Variants in DNM3 observed in about 807,000 individuals in gnomAD.
The protein encoded by DNM3 is dynamin-3.
In DNM3, 47 loss-of-function variants were observed where a neutral mutation model predicts 101.6. That is an observed-to-expected ratio of 0.46 (90% CI 0.37 to 0.59). The LOEUF is 0.59. DNM3 is among the 20% of genes least tolerant of loss of function. The pLI, the probability that DNM3 is intolerant of heterozygous loss-of-function variation, is 0.00. For synonymous variants in DNM3, 385 were observed against 387.9 expected (o/e 0.99, Z 0.09); for missense variants, 849 against 1,085.7 (o/e 0.78, Z 3.06).
At chr1:171,885,318 T>C (rs1055564634) in intron 1 of DNM3, among the ~76,000 whole-genome samples, 2 of 152,154 alleles carry the variant, frequency 1.3e-5, no homozygotes, top group African/African-American at 4.8e-5. Context: ...AAAAGTAAAA[T>C]TTTTTACCTC....
At chr1:172,338,752 C>A (rs2066557071) in intron 17 of DNM3, 1 of 457,486 alleles carries the variant, frequency 2.2e-6, no homozygotes, top group Non-Finnish European at 4.4e-6. Flanking sequence ...AAGTCATTAC[C>A]ATATCTCTTT....
chr1:171,973,991 T>G (rs898001138), intron 2 of DNM3, among the ~76,000 whole-genome samples: 1 of 145,868 alleles, frequency 6.9e-6, no homozygotes, highest in Non-Finnish European at 1.5e-5. Context: ...AGTGTTTTTG[T>G]TTTTTTTTTA....
At chr1:172,176,098 G>A (rs568846275) in intron 14 of DNM3, among the ~76,000 whole-genome samples, 1 of 151,948 alleles carries the variant, frequency 6.6e-6, no homozygotes, top group East Asian at 1.9e-4. Flanking sequence ...TTGTGAATAA[G>A]TTAAGGATTT....
chr1:171,872,085 A>C (rs1050667007), intron 1 of DNM3, among the ~76,000 whole-genome samples: 1 of 151,982 alleles, frequency 6.6e-6, no homozygotes, highest in African/African-American at 2.4e-5. Context: ...TGTAGGGAGA[A>C]TTTGAGAGAT....
intron 1 of DNM3, among the ~76,000 whole-genome samples, chr1:171,875,061 A>T (rs1331346110): frequency 6.6e-6 from 1 of 151,870 alleles, no homozygotes; most frequent in African/African-American, 2.4e-5. Context: ...TCTTTATCCA[A>T]TTTACTGTTG....
chr1:171,899,280 C>T (rs1668800273), intron 1 of DNM3, among the ~76,000 whole-genome samples: 1 of 152,210 alleles, frequency 6.6e-6, no homozygotes, highest in Non-Finnish European at 1.5e-5. Flanking sequence ...TGAGATGCTG[C>T]TGCGTTTCAG....
intron 17 of DNM3, among the ~76,000 whole-genome samples, chr1:172,342,168 A>T (rs1490204114): frequency 6.6e-6 from 1 of 152,200 alleles, no homozygotes; most frequent in African/African-American, 2.4e-5. Context: ...TGGGAATGTA[A>T]ATTAGTTCAA....
chr1:172,177,883 G>A (rs1478814675), intron 14 of DNM3, among the ~76,000 whole-genome samples: 2 of 151,674 alleles, frequency 1.3e-5, no homozygotes, highest in Non-Finnish European at 2.9e-5. Context: ...ATTTTATAGG[G>A]TTTTTTTCCC....
chr1:172,324,235 G>A (rs926884501), intron 17 of DNM3, among the ~76,000 whole-genome samples: 2 of 152,126 alleles, frequency 1.3e-5, no homozygotes, highest in Admixed American at 6.6e-5. Context: ...CTTAAAACGG[G>A]CCTCATTGAA....
intron 1 of DNM3, among the ~76,000 whole-genome samples, chr1:171,877,249 C>T (rs956332296): frequency 7.9e-5 from 12 of 152,050 alleles, no homozygotes; most frequent in Non-Finnish European, 2.9e-5. Context: ...ATGTAAAACA[C>T]CTGTTGGTAA....
chr1:171,992,199 CT>C lies in DNM3; in HGVS notation c.589+3052del, dbSNP rs1002783611. Among the ~76,000 whole-genome samples the C allele has an allele frequency of 3.3e-5, 5 of 152,132 alleles. No individual in the cohort carries two copies. The East Asian group carries it at 7.7e-4, about 23-fold the overall frequency. ...AACATATTCATGCTATATTTTACCC[CT>C]GTTGTGCACATAGGGAATATTAATG... On this transcript the variant is annotated intron_variant, in intron 4 of 20. Coordinates refer to ENST00000627582, the MANE Select transcript of DNM3 (RefSeq NM_015569.5).
At chr1:172,407,574 T>A (rs2070986615) in intron 20 of DNM3, among the ~76,000 whole-genome samples, 198 bp from the exon 21 acceptor site, 1 of 152,052 alleles carries the variant, frequency 6.6e-6, no homozygotes. Context: ...GATTTGCATA[T>A]GAAAAAAGAC....
chr1:172,321,100 T>C (rs2065693465), intron 16 of DNM3, among the ~76,000 whole-genome samples: 2 of 152,332 alleles, frequency 1.3e-5, no homozygotes, highest in South Asian at 4.1e-4. Context: ...GCTTTGCAGA[T>C]TGAAACCACT....
intron 4 of DNM3, among the ~76,000 whole-genome samples, chr1:172,007,880 C>T (rs892808299): frequency 2.6e-5 from 4 of 152,112 alleles, no homozygotes; most frequent in Non-Finnish European, 5.9e-5. Flanking sequence ...GTTCTCCCAT[C>T]TCAGAGTCCT....
At chr1:172,346,733 A>G (rs536826678) in intron 17 of DNM3, among the ~76,000 whole-genome samples, 1 of 152,332 alleles carries the variant, frequency 6.6e-6, no homozygotes, top group Non-Finnish European at 1.5e-5. Context: ...GAAAGAATCC[A>G]TAGAAGCCAG....
intron 15 of DNM3, among the ~76,000 whole-genome samples, chr1:172,306,779 G>T (rs1424963937): frequency 2.0e-5 from 3 of 152,268 alleles, no homozygotes; most frequent in Middle Eastern, 3.4e-3. Context: ...AATGAGGAAA[G>T]GATTCCCTAT....
intron 1 of DNM3, among the ~76,000 whole-genome samples, chr1:171,911,869 T>C (rs1431196393): frequency 1.3e-5 from 2 of 152,150 alleles, no homozygotes; most frequent in African/African-American, 4.8e-5. Flanking sequence ...AGACAAACTT[T>C]TCTAGTCACT....
chr1:172,089,543 C>A (rs1219798733), intron 12 of DNM3, among the ~76,000 whole-genome samples: 2 of 152,080 alleles, frequency 1.3e-5, no homozygotes, highest in Non-Finnish European at 2.9e-5. Context: ...AAGCAGGCAG[C>A]TTTTTTTGTT....
At chr1:172,100,839 A>G (rs958769121) in intron 13 of DNM3, among the ~76,000 whole-genome samples, 1 of 152,104 alleles carries the variant, frequency 6.6e-6, no homozygotes, top group Non-Finnish European at 1.5e-5. Context: ...TCTTGCCCCA[A>G]CGGACTGCAA....
Sources: gnomAD v4.1 joint callset for allele counts (sites outside exome capture counted in the v4.1 genomes callset) on GRCh38, gnomAD v4.1.1 for gene constraint, MANE v1.5 for transcripts, NCBI Gene and HGNC (gene_info 2026-07-23, HGNC 2026-07-21) for gene names.